Variants in CLYBL observed in about 807,000 individuals in gnomAD.
CLYBL encodes the protein citramalyl-CoA lyase, mitochondrial.
A neutral mutation model predicts 38.9 loss-of-function variants in CLYBL; 31 were observed. The observed-to-expected ratio is 0.80, with a 90% CI of 0.60 to 1.08. CLYBL has a LOEUF of 1.08. CLYBL is among the 50% of genes least tolerant of loss of function. CLYBL has a pLI of 0.00. For missense variants in CLYBL, 434 were observed against 411.6 expected (o/e 1.05, Z -0.47); for synonymous variants, 171 against 158.6 (o/e 1.08, Z -0.59).
chr13:99,907,634 G>T (rs1055418429), intron 9 of CLYBL, among the ~76,000 whole-genome samples: 1 of 152,066 alleles, frequency 6.6e-6, no homozygotes, highest in Non-Finnish European at 1.5e-5. Context: ...GAACCAGGAG[G>T]ATTGCCTGAG....
intron 1 of CLYBL, among the ~76,000 whole-genome samples, chr13:99,770,454 A>G (rs1029234533): frequency 1.3e-5 from 2 of 152,106 alleles, no homozygotes; most frequent in East Asian, 3.9e-4. Context: ...AGCAGCTGGG[A>G]CTACAGGCGC....
intron 2 of CLYBL, among the ~76,000 whole-genome samples, chr13:99,795,838 G>A (rs1406501478): frequency 6.6e-6 from 1 of 152,168 alleles, no homozygotes; most frequent in Non-Finnish European, 1.5e-5. Context: ...TGAAACTAAG[G>A]TTGAACACCA....
At chr13:99,708,653 A>G (rs1444406872) in intron 1 of CLYBL, among the ~76,000 whole-genome samples, 1 of 152,216 alleles carries the variant, frequency 6.6e-6, no homozygotes, top group Non-Finnish European at 1.5e-5. Context: ...AGTACTTGGC[A>G]CACAGTAAGA....
intron 1 of CLYBL, among the ~76,000 whole-genome samples, chr13:99,755,140 G>A (rs189650917): frequency 0.012 from 1,798 of 151,792 alleles, 29 homozygotes; most frequent in African/African-American, 0.042. Context: ...CTCGTGATCC[G>A]CCCGCCTCGG....
At chr13:99,633,743 G>A (rs2046982087) in intron 1 of CLYBL, among the ~76,000 whole-genome samples, 1 of 152,094 alleles carries the variant, frequency 6.6e-6, no homozygotes. Context: ...TTTATGAAAA[G>A]AGAGGTGAAA....
intron 1 of CLYBL, among the ~76,000 whole-genome samples, chr13:99,640,279 A>G (rs532352455): frequency 5.8e-4 from 88 of 152,336 alleles, no homozygotes; most frequent in Non-Finnish European, 1.0e-3. Context: ...TTAAAAAATC[A>G]TTTATCTTGG....
chr13:99,644,157 T>C (rs2047139159), intron 1 of CLYBL, among the ~76,000 whole-genome samples: 2 of 151,764 alleles, frequency 1.3e-5, no homozygotes, highest in African/African-American at 4.8e-5. Context: ...TGTATGTATG[T>C]ATATGTGGTG....
chr13:99,856,903 G>C (rs1955255592), intron 2 of CLYBL, among the ~76,000 whole-genome samples: 1 of 151,746 alleles, frequency 6.6e-6, no homozygotes, highest in South Asian at 2.1e-4. Flanking sequence ...CTCTCAAAGG[G>C]CTGGGATTAC....
chr13:99,648,486 T>C (rs1350586969), intron 1 of CLYBL, among the ~76,000 whole-genome samples: 1 of 152,242 alleles, frequency 6.6e-6, no homozygotes, highest in Non-Finnish European at 1.5e-5. Flanking sequence ...TTTTGTGACT[T>C]TTCTTGCTGT....
intron 1 of CLYBL, among the ~76,000 whole-genome samples, chr13:99,661,527 A>G (rs375969036): frequency 3.4e-4 from 51 of 152,238 alleles, no homozygotes; most frequent in African/African-American, 1.1e-3. Context: ...CCCTTTTTGC[A>G]TATGCACATG....
chr13:99,830,193 G>A (rs2050778047), intron 2 of CLYBL, among the ~76,000 whole-genome samples: 1 of 152,108 alleles, frequency 6.6e-6, no homozygotes. Context: ...CTGTGATTCT[G>A]AAACTCAGCC....
chr13:99,854,172 G>A lies in CLYBL; in HGVS notation c.250-4689G>A, dbSNP rs1350027509. Reference sequence around the variant, plus strand: ...ATCTTGGGTCGCACATAGCTTTCTCGTTGTTCCTGTTGCACCCAGGGCTGT... The same window carrying A: ...ATCTTGGGTCGCACATAGCTTTCTCATTGTTCCTGTTGCACCCAGGGCTGT... On this transcript the variant is annotated intron_variant, in intron 2 of 8. Transcript: ENST00000339105. 4.6e-5 allele frequency among the ~76,000 whole-genome samples: 7 copies of A among 152,000 alleles called. No individual in the cohort carries two copies. The South Asian group carries it at 6.2e-4, about 14-fold the overall frequency.
At chr13:99,893,058 C>T (rs941873188), downstream of CLYBL, 4 of 152,302 alleles carry the variant, frequency 2.6e-5, no homozygotes, top group Non-Finnish European at 2.9e-5. Context: ...ACAGATAGCT[C>T]CTAAATGGAG....
intron 1 of CLYBL, among the ~76,000 whole-genome samples, chr13:99,727,020 A>G (rs9517860): frequency 0.3 from 45,502 of 151,784 alleles, 7,748 homozygotes; most frequent in East Asian, 0.48. Context: ...TTAGACAGGC[A>G]TGGTGTCACA....
At chr13:99,662,057 A>T (rs1252037390) in intron 1 of CLYBL, among the ~76,000 whole-genome samples, 5 of 152,188 alleles carry the variant, frequency 3.3e-5, no homozygotes, top group Non-Finnish European at 2.9e-5. Context: ...TCAGTGCTGG[A>T]GGGAAGAATG....
intron 1 of CLYBL, chr13:99,690,259 G>A (rs1040257541): frequency 6.6e-6 from 1 of 152,184 alleles, no homozygotes; most frequent in Non-Finnish European, 1.5e-5. Flanking sequence ...GGCTCCTTCC[G>A]GGGTTCTGGT....
rs1304509135 is a variant in CLYBL, at chr13:99,638,391, A to G, written c.62+31634A>G. Among the ~76,000 whole-genome samples the G allele has an allele frequency of 2.6e-5, 4 of 152,242 alleles. No homozygotes were observed. In the East Asian group the frequency reaches 7.7e-4, roughly 29 times the overall value. On this transcript the variant is annotated intron_variant, in intron 1 of 8. Coordinates refer to ENST00000339105, the MANE Select transcript of CLYBL (RefSeq NM_206808.5). ...TACTCCAAATTATTGAAAGTTATTTATTTGTGTAAAATATTACATAGACAT... is the reference window on the plus strand; with the variant it reads ...TACTCCAAATTATTGAAAGTTATTTGTTTGTGTAAAATATTACATAGACAT...
At position 99,630,582 on chromosome 13, in the gene CLYBL, A is replaced by C. The variant is rs116157912; in HGVS notation, c.62+23825A>C. Among the ~76,000 whole-genome samples the C allele has an allele frequency of 3.7e-3, 564 of 152,276 alleles. 4 individuals carry two copies. Among genetic ancestry groups the C allele is most frequent in the African/African-American group, 0.013 (545 of 41,564 alleles). Reference sequence around the variant, plus strand: ...AAAAGCGTTTGATGAAATCTTACCTAGTATAAAGACATATTATTTTTGGCC... The same window carrying C: ...AAAAGCGTTTGATGAAATCTTACCTCGTATAAAGACATATTATTTTTGGCC... On this transcript the variant is annotated intron_variant, in intron 1 of 8. Transcript: ENST00000339105.
At chr13:99,698,351 T>C (rs1594125695) in intron 1 of CLYBL, among the ~76,000 whole-genome samples, 2 of 151,520 alleles carry the variant, frequency 1.3e-5, no homozygotes, top group East Asian at 3.9e-4. Flanking sequence ...TTTTTTTAAT[T>C]GTTAAATTAG....
Sources: gnomAD v4.1 joint callset for allele counts (sites outside exome capture counted in the v4.1 genomes callset) on GRCh38, gnomAD v4.1.1 for gene constraint, MANE v1.5 for transcripts, NCBI Gene and HGNC (gene_info 2026-07-23, HGNC 2026-07-21) for gene names.